MRTFA: variants seen among roughly 807,000 people sequenced by gnomAD.
MRTFA encodes the protein myocardin related transcription factor A, also known as myocardin-related transcription factor A.
Under a neutral mutation model 83.5 loss-of-function variants are expected in MRTFA, and 20 were observed. That is an observed-to-expected ratio of 0.24 (90% confidence interval 0.17 to 0.35). The LOEUF (loss-of-function observed/expected upper bound fraction) is 0.35. Ranked by LOEUF, MRTFA falls within the 10% of genes least tolerant of loss-of-function variation. MRTFA has a pLI of 1.00. For missense variants in MRTFA, 1,200 were observed against 1,224.7 expected, an observed-to-expected ratio of 0.98 and a Z score of 0.30; for synonymous variants, 659 against 541.2, an observed-to-expected ratio of 1.22 and a Z score of -3.02.
In MRTFA at chr22:40,496,040, C is replaced by T. The variant is rs112199127; in HGVS notation, c.242-32754G>A. Reference sequence around the variant, plus strand: ...AAGATTGCACCACTGCACTCCATCCCGGGCCACAGAATGAGACTCAGTCTC... The same window carrying T: ...AAGATTGCACCACTGCACTCCATCCTGGGCCACAGAATGAGACTCAGTCTC... On this transcript the variant is annotated intron_variant, in intron 3 of 14. Transcript: ENST00000355630. 8.0e-3 allele frequency among the ~76,000 whole-genome samples: 1,201 copies of T among 150,872 alleles called. 13 individuals carry two copies. Among genetic ancestry groups the T allele is most frequent in the African/African-American group, 0.026 (1,070 of 41,084 alleles).
chr22:40,495,214 A>C (rs1456485458), intron 3 of MRTFA, among the ~76,000 whole-genome samples: 1 of 151,872 alleles, frequency 6.6e-6, no homozygotes, highest in African/African-American at 2.4e-5. Flanking sequence ...TCTCTACTAA[A>C]AATAAAAATT....
chr22:40,609,414 G>A (rs1299295580), intron 1 of MRTFA, among the ~76,000 whole-genome samples: 1 of 147,354 alleles, frequency 6.8e-6, no homozygotes, highest in African/African-American at 2.5e-5. Flanking sequence ...CCAGGAGTTT[G>A]AGGCTATGGT....
chr22:40,597,570 G>T (rs577882977), intron 1 of MRTFA, among the ~76,000 whole-genome samples: 5 of 152,310 alleles, frequency 3.3e-5, no homozygotes, highest in African/African-American at 1.2e-4. Context: ...TACAAATTTA[G>T]AAGTCCAATA....
chr22:40,417,697 T>G (rs1602203056), intron 12 of MRTFA: 2 of 557,564 alleles, frequency 3.6e-6, no homozygotes, highest in Non-Finnish European at 6.4e-6. Flanking sequence ...CTGCAGGGGG[T>G]GCCTGGCCCC....
intron 2 of MRTFA, among the ~76,000 whole-genome samples, chr22:40,559,966 T>C (rs2055589452): frequency 6.6e-6 from 1 of 152,222 alleles, no homozygotes; most frequent in African/African-American, 2.4e-5. Flanking sequence ...TTTACACATA[T>C]ATCTATACAC....
At chr22:40,539,379 G>C (rs1243587695) in intron 3 of MRTFA, among the ~76,000 whole-genome samples, 5 of 138,722 alleles carry the variant, frequency 3.6e-5, no homozygotes, top group African/African-American at 1.4e-4. Flanking sequence ...TTGCTCTGTC[G>C]CCCAGGCTGG....
At chr22:40,544,805 C>G (rs2055338162) in intron 3 of MRTFA, among the ~76,000 whole-genome samples, 1 of 152,078 alleles carries the variant, frequency 6.6e-6, no homozygotes, top group Non-Finnish European at 1.5e-5. Context: ...GGCATGGTGG[C>G]ACACTCCTGT....
chr22:40,452,141 A>G (rs1186684926), intron 4 of MRTFA, among the ~76,000 whole-genome samples: 1 of 151,674 alleles, frequency 6.6e-6, no homozygotes. Flanking sequence ...GTGCCATCAC[A>G]CCCAGCTAAT....
At chr22:40,435,356 C>T in intron 5 of MRTFA, 143 bp downstream of exon 5, 1 of 828,596 alleles carries the variant, frequency 1.2e-6, no homozygotes, top group African/African-American at 1.7e-5. Flanking sequence ...CATTTAAAAC[C>T]ACAAGGCCAG....
Position 40,486,953 on chromosome 22 carries a change from A to C in MRTFA, c.242-23667T>G, listed in dbSNP as rs577904040. 2.0e-5 allele frequency among the ~76,000 whole-genome samples: 3 copies of C among 152,334 alleles called. No individual in the cohort carries two copies. In the South Asian group the frequency reaches 6.2e-4, roughly 32 times the overall value. ...GCATCACTGCAATCCAGCCTGGGTGACAAAGCAAGACTGTCTCAAAAAACA... is the reference window on the plus strand; with the variant it reads ...GCATCACTGCAATCCAGCCTGGGTGCCAAAGCAAGACTGTCTCAAAAAACA... On this transcript the variant is annotated intron_variant, in intron 3 of 14. Transcript: ENST00000355630.
At chr22:40,590,793 C>T (rs969945843) in intron 2 of MRTFA, among the ~76,000 whole-genome samples, 1 of 151,824 alleles carries the variant, frequency 6.6e-6, no homozygotes, top group African/African-American at 2.4e-5. Flanking sequence ...AATACCTAGT[C>T]TGTATACACA....
chr22:40,571,694 C>T (rs188329830), intron 2 of MRTFA, among the ~76,000 whole-genome samples: 6 of 151,448 alleles, frequency 4.0e-5, no homozygotes, highest in South Asian at 2.1e-4. Context: ...CGAGGTAAGT[C>T]GATCACGAGA....
intron 3 of MRTFA, among the ~76,000 whole-genome samples, chr22:40,502,409 TCA>T (rs1164951521): frequency 1.6e-4 from 19 of 119,856 alleles, no homozygotes; most frequent in Non-Finnish European, 3.0e-4. Context: ...GAGGCGCTCC[TCA>T]CATCCCAGAT....
chr22:40,618,919 C>T (rs1286858677), intron 1 of MRTFA, among the ~76,000 whole-genome samples: 1 of 151,684 alleles, frequency 6.6e-6, no homozygotes, highest in Non-Finnish European at 1.5e-5. Flanking sequence ...CAAGACTGCG[C>T]CACTGCACTC....
At chr22:40,429,526 C>G (rs1190096895) in intron 7 of MRTFA, 80 bp downstream of exon 7, 4 of 1,545,668 alleles carry the variant, frequency 2.6e-6, no homozygotes, top group Non-Finnish European at 3.6e-6. Flanking sequence ...GAGCCTCAGC[C>G]CAATTCTGCT....
At chr22:40,536,654 G>A (rs2055182821) in intron 3 of MRTFA, among the ~76,000 whole-genome samples, 1 of 57,392 alleles carries the variant, frequency 1.7e-5, no homozygotes, top group East Asian at 5.1e-4. Context: ...CATCTAGGAA[G>A]TGAGGAGCGC....
chr22:40,611,456 G>C (rs1250717434), intron 1 of MRTFA, among the ~76,000 whole-genome samples: 1 of 151,640 alleles, frequency 6.6e-6, no homozygotes, highest in African/African-American at 2.4e-5. Context: ...TGTTGCCCAG[G>C]CTGGTCTCGA....
chr22:40,531,807 C>T (rs1174561660), intron 3 of MRTFA, among the ~76,000 whole-genome samples: 4 of 152,152 alleles, frequency 2.6e-5, no homozygotes, highest in East Asian at 3.8e-4. Flanking sequence ...CTGTTACAAT[C>T]CAGCTAATGG....
intron 2 of MRTFA, among the ~76,000 whole-genome samples, chr22:40,560,536 A>ATT (rs1186463203): frequency 3.9e-5 from 6 of 152,214 alleles, no homozygotes; most frequent in African/African-American, 1.4e-4. Flanking sequence ...AGCCATCATA[A>ATT]TTAAGTCCCC....
Sources: allele counts gnomAD v4.1 joint callset (sites outside exome capture counted in the v4.1 genomes callset), GRCh38; gene constraint gnomAD v4.1.1; transcripts MANE v1.5; gene names NCBI Gene and HGNC (gene_info 2026-07-23, HGNC 2026-07-21).